Variants in ARHGAP15 observed in about 807,000 individuals in gnomAD.
ARHGAP15 encodes the protein Rho GTPase activating protein 15.
Under a neutral mutation model 63.7 loss-of-function variants are expected in ARHGAP15, and 51 were observed. The observed-to-expected ratio is 0.80, with a 90% CI of 0.64 to 1.01. ARHGAP15 has a LOEUF of 1.01. ARHGAP15 is among the 50% of genes least tolerant of loss of function. ARHGAP15 has a pLI of 0.00. For missense variants in ARHGAP15, 560 were observed against 564.6 expected (o/e 0.99, Z 0.08); for synonymous variants, 191 against 193.8 (o/e 0.99, Z 0.12).
chr2:143,524,553 T>A (rs1694184166), intron 10 of ARHGAP15, among the ~76,000 whole-genome samples: 1 of 152,202 alleles, frequency 6.6e-6, no homozygotes, highest in South Asian at 2.1e-4. Context: ...TTGGGTAGAT[T>A]ATAGCAACTT....
At chr2:143,172,551 T>C (rs1232830883) in intron 2 of ARHGAP15, among the ~76,000 whole-genome samples, 5 of 152,036 alleles carry the variant, frequency 3.3e-5, no homozygotes. Flanking sequence ...TGGGTATAGA[T>C]GGAACAAAAC....
At chr2:143,461,947 T>C (rs1690961858) in intron 8 of ARHGAP15, among the ~76,000 whole-genome samples, 1 of 152,118 alleles carries the variant, frequency 6.6e-6, no homozygotes, top group Non-Finnish European at 1.5e-5. Flanking sequence ...GTAAGGCTGA[T>C]CGCTTGAGCA....
At chr2:143,552,756 A>C (rs1695626465) in intron 10 of ARHGAP15, among the ~76,000 whole-genome samples, 1 of 152,196 alleles carries the variant, frequency 6.6e-6, no homozygotes, top group African/African-American at 2.4e-5. Flanking sequence ...TTTAAAAATA[A>C]AAAATAAAAT....
intron 2 of ARHGAP15, among the ~76,000 whole-genome samples, chr2:143,191,016 G>C (rs1474760603): frequency 6.6e-6 from 1 of 152,080 alleles, no homozygotes; most frequent in South Asian, 2.1e-4. Flanking sequence ...TGATCCGCCC[G>C]CCTGGGCCTC....
chr2:143,190,258 C>A (rs1002045478), intron 2 of ARHGAP15, among the ~76,000 whole-genome samples: 27 of 152,126 alleles, frequency 1.8e-4, no homozygotes, highest in Non-Finnish European at 4.4e-5. Flanking sequence ...ATTAAAATTT[C>A]CTTGTGTTTG....
chr2:143,515,186 A>ACCC (rs769831124), intron 9 of ARHGAP15, among the ~76,000 whole-genome samples: 38 of 45,200 alleles, frequency 8.4e-4, no homozygotes, highest in African/African-American at 1.6e-3. Context: ...CCACTATATT[A>ACCC]ACCCCCCCAC....
At chr2:143,721,805 G>A (rs1364155140) in intron 13 of ARHGAP15, among the ~76,000 whole-genome samples, 2 of 152,022 alleles carry the variant, frequency 1.3e-5, no homozygotes, top group African/African-American at 4.8e-5. Flanking sequence ...TCCTGCCTCA[G>A]CCTCCTGAGT....
intron 2 of ARHGAP15, among the ~76,000 whole-genome samples, chr2:143,194,641 C>T (rs1180792795): frequency 6.6e-6 from 1 of 152,008 alleles, no homozygotes; most frequent in African/African-American, 2.4e-5. Context: ...TCTTAAAAGC[C>T]GATTTGAAGG....
At chr2:143,767,491 A>G (rs2072956956) in intron 13 of ARHGAP15, among the ~76,000 whole-genome samples, 1 of 152,212 alleles carries the variant, frequency 6.6e-6, no homozygotes, top group Admixed American at 6.5e-5. Flanking sequence ...CTCAGAGCTT[A>G]TCTCCTCTAC....
chr2:143,438,903 G>A (rs1338919205), intron 8 of ARHGAP15, among the ~76,000 whole-genome samples: 2 of 152,098 alleles, frequency 1.3e-5, no homozygotes, highest in African/African-American at 4.8e-5. Flanking sequence ...GAGACCTTAA[G>A]ATGTTTCTAA....
intron 13 of ARHGAP15, among the ~76,000 whole-genome samples, chr2:143,708,268 C>T (rs1432586091): frequency 6.6e-6 from 1 of 152,100 alleles, no homozygotes; most frequent in African/African-American, 2.4e-5. Flanking sequence ...AAACATTTTA[C>T]ATCAATGTAT....
rs538118823 is a variant in ARHGAP15, at chr2:143,702,160, G to T, written c.1139-1259G>T. On this transcript the variant is annotated intron_variant, in intron 12 of 13. Coordinates refer to ENST00000295095, the MANE Select transcript of ARHGAP15 (RefSeq NM_018460.4). ...TGTGGCCTGTTTAGAATCATCAAGA[G>T]CCCTGTGCTAGAAGTTAAAGTATAG... 1.1e-4 allele frequency among the ~76,000 whole-genome samples: 17 copies of T among 152,258 alleles called. No individual in the cohort carries two copies. In the South Asian group the frequency reaches 2.3e-3, roughly 20 times the overall value.
intron 6 of ARHGAP15, among the ~76,000 whole-genome samples, chr2:143,303,443 T>G (rs1033693695): frequency 2.0e-5 from 3 of 151,980 alleles, no homozygotes; most frequent in Non-Finnish European, 2.9e-5. Flanking sequence ...GATCCCTTCC[T>G]TACACCTTAT....
chr2:143,297,598 A>G (rs1028892891), intron 6 of ARHGAP15, among the ~76,000 whole-genome samples: 1 of 152,018 alleles, frequency 6.6e-6, no homozygotes, highest in African/African-American at 2.4e-5. Flanking sequence ...TCTTACAGGT[A>G]TATCCTTCTG....
intron 6 of ARHGAP15, among the ~76,000 whole-genome samples, chr2:143,352,888 A>G (rs1406563821): frequency 6.6e-6 from 1 of 152,186 alleles, no homozygotes; most frequent in Non-Finnish European, 1.5e-5. Context: ...TTGTAAATAA[A>G]TCTTTCTTAA....
intron 2 of ARHGAP15, among the ~76,000 whole-genome samples, chr2:143,195,493 A>G (rs1279578500): frequency 6.6e-6 from 1 of 151,400 alleles, no homozygotes; most frequent in African/African-American, 2.4e-5. Context: ...AACTGTAAAG[A>G]AAAAAAAAGC....
chr2:143,233,096 G>T (rs868408666), intron 5 of ARHGAP15, among the ~76,000 whole-genome samples: 2 of 151,868 alleles, frequency 1.3e-5, no homozygotes. Flanking sequence ...ATTACCATCT[G>T]GTGTTTTAAT....
At chr2:143,335,271 C>A (rs574166305) in intron 6 of ARHGAP15, among the ~76,000 whole-genome samples, 44 of 152,308 alleles carry the variant, frequency 2.9e-4, no homozygotes, top group South Asian at 2.7e-3. Context: ...AAATCACTTT[C>A]CTCCTTCAAC....
intron 8 of ARHGAP15, among the ~76,000 whole-genome samples, chr2:143,481,305 A>G (rs2105214151): frequency 6.6e-6 from 1 of 152,268 alleles, no homozygotes; most frequent in South Asian, 2.1e-4. Context: ...GAGAACAAGT[A>G]GTGTAGAAAG....
Sources: gnomAD v4.1 joint callset for allele counts (sites outside exome capture counted in the v4.1 genomes callset) on GRCh38, gnomAD v4.1.1 for gene constraint, MANE v1.5 for transcripts, NCBI Gene and HGNC (gene_info 2026-07-23, HGNC 2026-07-21) for gene names.